SLC9A9: variants seen among roughly 807,000 people sequenced by gnomAD.
The protein encoded by SLC9A9 is sodium/hydrogen exchanger 9.
Under a neutral mutation model 77.8 loss-of-function variants are expected in SLC9A9, and 62 were observed. The observed-to-expected ratio is 0.80, with a 90% CI of 0.65 to 0.98. The LOEUF (loss-of-function observed/expected upper bound fraction) is 0.98. SLC9A9 is among the 50% of genes least tolerant of loss of function. SLC9A9 has a pLI of 0.00. For missense variants in SLC9A9, 775 were observed against 774.9 expected, an observed-to-expected ratio of 1.00 and a Z score of 0.00; for synonymous variants, 320 against 283.5, an observed-to-expected ratio of 1.13 and a Z score of -1.29.
chr3:143,741,678 C>A (rs1560058157), intron 4 of SLC9A9, among the ~76,000 whole-genome samples: 1 of 152,222 alleles, frequency 6.6e-6, no homozygotes, highest in East Asian at 1.9e-4. Flanking sequence ...TCAAGGTCAA[C>A]ATCAATAGTC....
At chr3:143,286,278 G>A (rs1470331908) in intron 14 of SLC9A9, among the ~76,000 whole-genome samples, 1 of 152,112 alleles carries the variant, frequency 6.6e-6, no homozygotes, top group African/African-American at 2.4e-5. Context: ...GAAGGGGTGG[G>A]GGTCTCAATA....
intron 9 of SLC9A9, 38 bp from the exon 10 acceptor site, chr3:143,495,486 A>C (rs372741820): frequency 1.1e-5 from 17 of 1,508,614 alleles, no homozygotes; most frequent in Non-Finnish European, 1.6e-5. Context: ...ATTAATTATA[A>C]CTCAGGTTTG....
chr3:143,773,202 G>C (rs1173573467), intron 4 of SLC9A9, among the ~76,000 whole-genome samples: 1 of 152,144 alleles, frequency 6.6e-6, no homozygotes, highest in Non-Finnish European at 1.5e-5. Flanking sequence ...GAAAAGCCCT[G>C]ATTTGTAGCA....
intron 11 of SLC9A9, among the ~76,000 whole-genome samples, chr3:143,468,323 G>A (rs902673705): frequency 1.3e-5 from 2 of 152,170 alleles, no homozygotes; most frequent in Non-Finnish European, 2.9e-5. Context: ...TGCCTCCTTG[G>A]CAGATTGGTG....
chr3:143,772,022 ATGTGTGTGTGTGTG>A (rs55750613), intron 4 of SLC9A9, among the ~76,000 whole-genome samples: 5 of 141,622 alleles, frequency 3.5e-5, no homozygotes, highest in Admixed American at 7.1e-5. Context: ...CATCCCCAGA[ATGTGTGTGTGTGTG>A]TGTGTGTGTG....
intron 11 of SLC9A9, among the ~76,000 whole-genome samples, chr3:143,475,332 T>G (rs2035456401): frequency 2.0e-5 from 3 of 152,124 alleles, no homozygotes; most frequent in South Asian, 2.1e-4. Flanking sequence ...CTTTAAGATC[T>G]GTCTTTCTGT....
chr3:143,353,265 G>T (rs140513574), intron 14 of SLC9A9, among the ~76,000 whole-genome samples: 37 of 152,312 alleles, frequency 2.4e-4, no homozygotes, highest in African/African-American at 7.7e-4. Context: ...ACTTGCTGTG[G>T]TCTGAATGTT....
intron 12 of SLC9A9, among the ~76,000 whole-genome samples, chr3:143,399,844 C>T (rs996252748): frequency 6.6e-6 from 1 of 152,112 alleles, no homozygotes; most frequent in Non-Finnish European, 1.5e-5. Flanking sequence ...TTCATTCTCT[C>T]CTTCACTCAC....
intron 9 of SLC9A9, among the ~76,000 whole-genome samples, chr3:143,531,104 A>T (rs1177863233): frequency 6.6e-6 from 1 of 152,226 alleles, no homozygotes; most frequent in Non-Finnish European, 1.5e-5. Flanking sequence ...TTACAACACT[A>T]TTCATTCAAC....
chr3:143,297,351 T>C (rs971639181), intron 14 of SLC9A9, among the ~76,000 whole-genome samples: 13 of 152,238 alleles, frequency 8.5e-5, no homozygotes, highest in Middle Eastern at 3.2e-3. Flanking sequence ...TGTGAAAACA[T>C]ATAGGCCAAC....
chr3:143,414,991 C>T, intron 12 of SLC9A9, among the ~76,000 whole-genome samples: 1 of 152,172 alleles, frequency 6.6e-6, no homozygotes, highest in East Asian at 1.9e-4. Flanking sequence ...GTGAAACAGG[C>T]TTATTACTGA....
chr3:143,519,566 A>C (rs1254714387), intron 9 of SLC9A9, among the ~76,000 whole-genome samples: 1 of 152,192 alleles, frequency 6.6e-6, no homozygotes, highest in Non-Finnish European at 1.5e-5. Flanking sequence ...TTGAGGAATA[A>C]GGTGACATGA....
At position 143,363,559 on chromosome 3, in the gene SLC9A9, G is replaced by T; in HGVS notation, c.1529C>A (p.Ala510Glu). 2 of 1,612,384 alleles carry T rather than the reference G, an allele frequency of 1.2e-6. No individual in the cohort carries two copies. Among genetic ancestry groups the T allele is most frequent in the Non-Finnish European group, 1.7e-6 (2 of 1,178,878 alleles). ...KEDPSSQHQEANNLDKNMTKA... is the reference protein window; with the variant it reads ...KEDPSSQHQEENNLDKNMTKA... ...CGTCATGTTTTTATCCAAGTTATTT[G>T]CTTCCTGGGGAGAAACAATAGAAAA... The change falls in exon 14 of 16, where the codon GCA becomes GAA. Residue 510 changes from alanine to glutamate, a missense_variant. Physicochemically the swap from Ala to Glu is moderately radical, Grantham distance 107. Transcript: ENST00000316549.
At chr3:143,591,751 A>T (rs1244817288) in intron 6 of SLC9A9, among the ~76,000 whole-genome samples, 2 of 151,740 alleles carry the variant, frequency 1.3e-5, no homozygotes, top group Non-Finnish European at 2.9e-5. Flanking sequence ...GCTTGGTGCC[A>T]GGAACTAGGG....
intron 4 of SLC9A9, among the ~76,000 whole-genome samples, chr3:143,790,729 A>T (rs1349600141): frequency 6.6e-6 from 1 of 152,240 alleles, no homozygotes; most frequent in African/African-American, 2.4e-5. Context: ...TATAAGATAA[A>T]ATGAGATAAT....
intron 14 of SLC9A9, among the ~76,000 whole-genome samples, chr3:143,355,798 CT>C (rs1395259610): frequency 1.3e-5 from 2 of 152,126 alleles, no homozygotes; most frequent in Non-Finnish European, 2.9e-5. Context: ...TGAGGAAAGT[CT>C]AATGTGGTGC....
chr3:143,518,737 T>C (rs1323182504), intron 9 of SLC9A9, among the ~76,000 whole-genome samples: 1 of 152,256 alleles, frequency 6.6e-6, no homozygotes, highest in Admixed American at 6.5e-5. Flanking sequence ...TTCCTTGCTA[T>C]ATGATATAAA....
chr3:143,291,327 C>T (rs368692134), intron 14 of SLC9A9, among the ~76,000 whole-genome samples: 47 of 152,292 alleles, frequency 3.1e-4, no homozygotes, highest in African/African-American at 1.1e-3. Flanking sequence ...CTCATCCAGC[C>T]ACATTTCCCT....
At chr3:143,774,026 T>C (rs1392688602) in intron 4 of SLC9A9, among the ~76,000 whole-genome samples, 2 of 152,224 alleles carry the variant, frequency 1.3e-5, no homozygotes, top group Non-Finnish European at 2.9e-5. Context: ...AACAGATGTG[T>C]TTATTTAACA....
Sources: allele counts gnomAD v4.1 joint callset (sites outside exome capture counted in the v4.1 genomes callset), GRCh38; gene constraint gnomAD v4.1.1; transcripts MANE v1.5; gene names NCBI Gene and HGNC (gene_info 2026-07-23, HGNC 2026-07-21).